Variants in TAB2 observed in about 807,000 individuals in gnomAD.
TAB2 encodes TGF-beta-activated kinase 1 and MAP3K7-binding protein 2.
In TAB2, 3 loss-of-function variants were observed where a neutral mutation model predicts 65.0. The ratio of observed to expected loss-of-function variants is 0.05; its 90% CI spans 0.02 to 0.12. The LOEUF (loss-of-function observed/expected upper bound fraction) is 0.12. Ranked by LOEUF, TAB2 falls within the 10% of genes least tolerant of loss-of-function variation. The pLI is 1.00. For synonymous variants in TAB2, 298 were observed against 285.1 expected (o/e 1.05, Z -0.46); for missense variants, 623 against 840.3 (o/e 0.74, Z 3.20).
chr6:149,378,267 A>T lies in TAB2; in HGVS notation c.352A>T (p.Asn118Tyr), dbSNP rs201716223. The T allele has an allele frequency of 2.4e-5, 38 of 1,614,234 alleles. No homozygotes were observed. In the Admixed American group the frequency reaches 3.8e-4, roughly 16 times the overall value. ...SDGQLQGGQS[N>Y]SELFQQEPQT... ...TGGACAACTTCAAGGTGGCCAGTCC[A>T]ATAGTGAACTATTTCAGCAGGAGCC... The change falls in exon 3 of 7, where the codon AAT becomes TAT. Residue 118 changes from asparagine to tyrosine, a missense_variant. Asn to Tyr is a moderately radical substitution (Grantham distance 143, BLOSUM62 -2). Transcript: ENST00000637181.
intron 1 of TAB2, among the ~76,000 whole-genome samples, chr6:149,351,933 G>T (rs775453317): frequency 6.6e-6 from 1 of 152,056 alleles, no homozygotes; most frequent in African/African-American, 2.4e-5. Flanking sequence ...TTTTAGAAGC[G>T]TGCATGGCTA....
At chr6:149,365,961 T>C (rs1781025500) in intron 1 of TAB2, among the ~76,000 whole-genome samples, 1 of 152,178 alleles carries the variant, frequency 6.6e-6, no homozygotes, top group South Asian at 2.1e-4. Flanking sequence ...TTGCTTTATA[T>C]ATGTATAATT....
At chr6:149,357,430 A>ACACACAC (rs1554261743) in intron 1 of TAB2, among the ~76,000 whole-genome samples, 3 of 111,184 alleles carry the variant, frequency 2.7e-5, no homozygotes, top group African/African-American at 6.8e-5. Flanking sequence ...AGAAAAAAAA[A>ACACACAC]ACACACACAC....
chr6:149,264,823 A>G (rs1778228053), intron 1 of TAB2, among the ~76,000 whole-genome samples: 1 of 152,248 alleles, frequency 6.6e-6, no homozygotes, highest in African/African-American at 2.4e-5. Context: ...AGCAAAGATC[A>G]AAGGGAGCAG....
chr6:149,292,472 C>A (rs1778794932), intron 1 of TAB2, among the ~76,000 whole-genome samples: 1 of 152,132 alleles, frequency 6.6e-6, no homozygotes. Flanking sequence ...CACCAGCAAG[C>A]ATTTCTAGAA....
intron 1 of TAB2, among the ~76,000 whole-genome samples, chr6:149,256,143 A>G (rs539597791): frequency 6.6e-6 from 1 of 152,218 alleles, no homozygotes; most frequent in Admixed American, 6.5e-5. Flanking sequence ...AGTTAATTTT[A>G]AAAAAAGGAA....
intron 6 of TAB2, among the ~76,000 whole-genome samples, chr6:149,404,673 A>G (rs972335143): frequency 6.6e-6 from 1 of 152,230 alleles, no homozygotes; most frequent in Admixed American, 6.5e-5. Context: ...CAAGAACACA[A>G]TGGGGAAAGG....
At chr6:149,270,993 T>G (rs1337338877) in intron 1 of TAB2, among the ~76,000 whole-genome samples, 2 of 152,128 alleles carry the variant, frequency 1.3e-5, no homozygotes, top group Admixed American at 6.6e-5. Flanking sequence ...AGCCCTGAAG[T>G]TGGAATGAAT....
intron 1 of TAB2, among the ~76,000 whole-genome samples, chr6:149,248,666 T>C (rs1005733129): frequency 6.6e-6 from 1 of 152,204 alleles, no homozygotes; most frequent in Non-Finnish European, 1.5e-5. Flanking sequence ...TCCCTAGTTC[T>C]TCCTGTGCCC....
chr6:149,316,528 C>G (rs920235545), upstream of TAB2, among the ~76,000 whole-genome samples: 1 of 152,138 alleles, frequency 6.6e-6, no homozygotes, highest in South Asian at 2.1e-4. Flanking sequence ...ACATTTTGGA[C>G]AGGGGCAGAA....
At chr6:149,228,830 C>G (rs1453849660) in intron 1 of TAB2, among the ~76,000 whole-genome samples, 3 of 152,204 alleles carry the variant, frequency 2.0e-5, no homozygotes, top group Non-Finnish European at 2.9e-5. Flanking sequence ...ATAGCCATGG[C>G]CAATTAGTCA....
At chr6:149,291,078 A>G (rs1778768109) in intron 1 of TAB2, among the ~76,000 whole-genome samples, 1 of 152,174 alleles carries the variant, frequency 6.6e-6, no homozygotes, top group South Asian at 2.1e-4. Context: ...TTTTTCTTCT[A>G]TTTGGGGTTT....
At chr6:149,402,497 T>C (rs1782465148) in intron 6 of TAB2, among the ~76,000 whole-genome samples, 1 of 151,916 alleles carries the variant, frequency 6.6e-6, no homozygotes, top group Non-Finnish European at 1.5e-5. Flanking sequence ...AAAAAAAAAT[T>C]CCCAACAAAG....
chr6:149,249,151 C>T (rs867283236), intron 1 of TAB2, among the ~76,000 whole-genome samples: 1 of 94,912 alleles, frequency 1.1e-5, no homozygotes, highest in African/African-American at 5.7e-5. Context: ...CACACACACA[C>T]ATACACACAC....
At chr6:149,381,232 T>C (rs530021579) in intron 3 of TAB2, among the ~76,000 whole-genome samples, 1 of 152,252 alleles carries the variant, frequency 6.6e-6, no homozygotes, top group Non-Finnish European at 1.5e-5. Flanking sequence ...TTAAAACTTT[T>C]ATTTTCCATA....
At chr6:149,384,851 A>G (rs1028966452) in intron 3 of TAB2, among the ~76,000 whole-genome samples, 28 of 152,224 alleles carry the variant, frequency 1.8e-4, no homozygotes, top group Admixed American at 4.6e-4. Context: ...ATTTTGTTAC[A>G]GAAGCCAGAA....
chr6:149,257,207 G>A (rs542854797), intron 1 of TAB2, among the ~76,000 whole-genome samples: 14 of 152,260 alleles, frequency 9.2e-5, no homozygotes, highest in African/African-American at 1.4e-4. Context: ...GCACGTCCAC[G>A]GAAAGTAAAA....
At chr6:149,408,618 G>GA (rs1319016502) in intron 6 of TAB2, among the ~76,000 whole-genome samples, 1 of 152,082 alleles carries the variant, frequency 6.6e-6, no homozygotes, top group Non-Finnish European at 1.5e-5. Context: ...ACCTTGACAG[G>GA]AAAAATTCAA....
At chr6:149,303,170 C>T (rs1171390181) in intron 1 of TAB2, among the ~76,000 whole-genome samples, 1 of 152,200 alleles carries the variant, frequency 6.6e-6, no homozygotes, top group Non-Finnish European at 1.5e-5. Context: ...ATTGATTCTA[C>T]ATTATGGTGA....
Sources: gnomAD v4.1 joint callset for allele counts (sites outside exome capture counted in the v4.1 genomes callset) on GRCh38, gnomAD v4.1.1 for gene constraint, MANE v1.5 for transcripts, NCBI Gene and HGNC (gene_info 2026-07-23, HGNC 2026-07-21) for gene names.